The following CAPN9 variants were observed in gnomAD, a reference collection of about 807,000 sequenced individuals.
The protein encoded by CAPN9 is calpain-9.
CAPN9 carries 81 observed loss-of-function variants against 92.8 expected under a neutral mutation model. That is an observed-to-expected ratio of 0.87 (90% confidence interval 0.73 to 1.05). The LOEUF is 1.05. Ranked by LOEUF, CAPN9 falls within the 50% of genes least tolerant of loss-of-function variation. The probability of loss-of-function intolerance (pLI) is 0.00; values close to 1 mark genes in which losing one functional copy is unlikely to be tolerated. For synonymous variants in CAPN9, 304 were observed against 328.0 expected, an observed-to-expected ratio of 0.93 and a Z score of 0.79; for missense variants, 848 against 866.2, an observed-to-expected ratio of 0.98 and a Z score of 0.26.
Position 230,754,260 on chromosome 1 carries a change from G to A in CAPN9, c.214-1077G>A, listed in dbSNP as rs555372402. Among the ~76,000 whole-genome samples, 565 of 152,172 alleles carry A rather than the reference G, an allele frequency of 3.7e-3. 2 individuals carry two copies. Among genetic ancestry groups the A allele is most frequent in the African/African-American group, 0.013 (537 of 41,504 alleles). The stretch of plus-strand genomic sequence containing the variant: ...AATGGAGCCCAGCAACTCAAAGAGT[G>A]GAAGAATATATGCATATCATAAGAT... On this transcript the variant is annotated intron_variant, in intron 1 of 19. Transcript: ENST00000271971.
At chr1:230,754,372 A>G (rs1665083210) in intron 1 of CAPN9, among the ~76,000 whole-genome samples, 1 of 151,000 alleles carries the variant, frequency 6.6e-6, no homozygotes, top group African/African-American at 2.4e-5. Flanking sequence ...GATTACATTA[A>G]TACACATAGT....
chr1:230,785,853 G>C (rs917111053), intron 11 of CAPN9, 128 bp from the exon 12 acceptor site: 16 of 872,140 alleles, frequency 1.8e-5, no homozygotes, highest in Admixed American at 3.8e-5. Flanking sequence ...TCTGTGAAAT[G>C]TAAACAGCAC....
At chr1:230,770,338 C>T (rs1398042908) in intron 6 of CAPN9, among the ~76,000 whole-genome samples, 2 of 152,186 alleles carry the variant, frequency 1.3e-5, no homozygotes, top group African/African-American at 4.8e-5. Context: ...CTTCCTCTGC[C>T]TTTTTGTTCT....
chr1:230,797,649 A>C (rs1572100690), intron 18 of CAPN9, among the ~76,000 whole-genome samples: 1 of 152,282 alleles, frequency 6.6e-6, no homozygotes, highest in East Asian at 1.9e-4. Context: ...AGGCCCCAAG[A>C]GGGCAGTGAC....
intron 6 of CAPN9, among the ~76,000 whole-genome samples, chr1:230,771,422 T>C (rs1259015586): frequency 6.6e-6 from 1 of 152,250 alleles, no homozygotes; most frequent in Admixed American, 6.5e-5. Flanking sequence ...CAAGGGTGAT[T>C]GAGGTGAACA....
chr1:230,752,574 C>T, intron 1 of CAPN9: 1 of 577,256 alleles, frequency 1.7e-6, no homozygotes, highest in Non-Finnish European at 2.2e-6. Flanking sequence ...TTGGCGGGGC[C>T]AGGCCTGCAG....
chr1:230,771,236 C>T (rs1368949312), intron 6 of CAPN9, among the ~76,000 whole-genome samples: 1 of 152,252 alleles, frequency 6.6e-6, no homozygotes, highest in African/African-American at 2.4e-5. Context: ...TGAATTTTTA[C>T]ACATCCAAAA....
chr1:230,784,841 C>T (rs748406587), intron 11 of CAPN9, among the ~76,000 whole-genome samples: 3 of 152,234 alleles, frequency 2.0e-5, no homozygotes, highest in Non-Finnish European at 2.9e-5. Context: ...AGGCGGCCAT[C>T]ATCCTCCAGA....
intron 1 of CAPN9, among the ~76,000 whole-genome samples, chr1:230,748,537 G>A (rs1008022331): frequency 2.0e-5 from 3 of 152,132 alleles, no homozygotes; most frequent in Non-Finnish European, 4.4e-5. Context: ...CTGACAATTT[G>A]TCTCATGCAT....
At chr1:230,788,865 A>C (rs913764175) in intron 13 of CAPN9, among the ~76,000 whole-genome samples, 1 of 152,200 alleles carries the variant, frequency 6.6e-6, no homozygotes, top group African/African-American at 2.4e-5. Context: ...AAGTTGTCAG[A>C]TGGAGATCCA....
chr1:230,759,557 A>G lies in CAPN9; in HGVS notation c.329A>G (p.Gln110Arg). 6.2e-7 allele frequency: 1 copy of G among 1,611,896 alleles called. No homozygotes were observed. The highest frequency in any genetic ancestry group is 8.5e-7 in the Non-Finnish European group (1 of 1,179,288). ...GCCATCGCCTCCCTTACGCTTAATC[A>G]AAAAGCACTGGCCAGAGTCATCCCC... ...LAAIASLTLN[Q>R]KALARVIPQD... Residue 110 changes from glutamine (Q) to arginine (R), a missense_variant, in exon 3 of 20, where the codon CAA (glutamine) becomes CGA (arginine). Transcript: ENST00000271971.
intron 1 of CAPN9, among the ~76,000 whole-genome samples, chr1:230,751,877 G>A (rs1664868473): frequency 1.4e-5 from 2 of 144,824 alleles, no homozygotes; most frequent in Non-Finnish European, 1.5e-5. Flanking sequence ...AGGGGGAGGG[G>A]GAGGGGTCTG....
chr1:230,759,808 G>C (rs1665519115), intron 3 of CAPN9, among the ~76,000 whole-genome samples, 178 bp downstream of exon 3: 1 of 152,192 alleles, frequency 6.6e-6, no homozygotes, highest in South Asian at 2.1e-4. Context: ...TGCCTCAGAA[G>C]AACATTAACG....
At chr1:230,750,544 C>CG (rs145698214) in intron 1 of CAPN9, among the ~76,000 whole-genome samples, 2,661 of 151,344 alleles carry the variant, frequency 0.018, 78 homozygotes, top group African/African-American at 0.062. Context: ...CGCAGGGAGC[C>CG]GGGGGGTAGC....
In CAPN9 at chr1:230,779,100, G is replaced by A. The variant is rs575112353; in HGVS notation, c.1081G>A (p.Gly361Ser). The change falls in exon 9 of 20, where the codon GGC (glycine) becomes AGC (serine). Residue 361 changes from glycine to serine, a missense_variant. Gly to Ser is a moderately conservative substitution (Grantham distance 56). Coordinates refer to ENST00000271971, the MANE Select transcript of CAPN9 (RefSeq NM_006615.3). Reference sequence around the variant, plus strand: ...GGTCCATCAGGGAAGCTGGGTTCGCGGCTCCACGGCTGGGGGCTGCCGCAA... The same window carrying A: ...GGTCCATCAGGGAAGCTGGGTTCGCAGCTCCACGGCTGGGGGCTGCCGCAA... ...VTVHQGSWVR[G>S]STAGGCRNFL... is the part of the protein sequence containing the mutation. 51 of 1,612,820 alleles carry A rather than the reference G, an allele frequency of 3.2e-5. No individual in the cohort carries two copies. The highest frequency in any genetic ancestry group is 2.0e-4 in the Middle Eastern group (1 of 5,118).
intron 7 of CAPN9, among the ~76,000 whole-genome samples, chr1:230,773,934 G>A (rs1666563190): frequency 6.6e-6 from 1 of 152,202 alleles, no homozygotes. Context: ...CAAATCCTGA[G>A]TTTGGAGAGT....
chr1:230,774,682 C>T (rs369542065), intron 8 of CAPN9, 51 bp downstream of exon 8: 33 of 1,238,678 alleles, frequency 2.7e-5, no homozygotes, highest in Non-Finnish European at 3.7e-5. Flanking sequence ...GTCCCATGGC[C>T]CTGGGGCGTA....
At chr1:230,794,488 A>G (rs1434713030) in intron 17 of CAPN9, among the ~76,000 whole-genome samples, 2 of 152,146 alleles carry the variant, frequency 1.3e-5, no homozygotes, top group Non-Finnish European at 2.9e-5. Flanking sequence ...TCTCAAAAAA[A>G]AAAATCTAAA....
chr1:230,775,362 T>A (rs1250085027), intron 8 of CAPN9, among the ~76,000 whole-genome samples: 1 of 152,248 alleles, frequency 6.6e-6, no homozygotes, highest in Non-Finnish European at 1.5e-5. Flanking sequence ...CCTGAGAGCA[T>A]CTAAAGATAT....
Sources: gnomAD v4.1 joint callset for allele counts (sites outside exome capture counted in the v4.1 genomes callset) on GRCh38, gnomAD v4.1.1 for gene constraint, MANE v1.5 for transcripts, NCBI Gene and HGNC (gene_info 2026-07-23, HGNC 2026-07-21) for gene names.